The following DLC1 variants were observed in gnomAD, a reference collection of about 807,000 sequenced individuals.
DLC1 encodes rho GTPase-activating protein 7.
DLC1 carries 54 observed loss-of-function variants against 140.3 expected under a neutral mutation model. That is an observed-to-expected ratio of 0.38 (90% confidence interval 0.31 to 0.48). The LOEUF is 0.48. Ranked by LOEUF, DLC1 falls within the 20% of genes least tolerant of loss-of-function variation. The pLI is 0.96. For missense variants in DLC1, 2,536 were observed against 1,907.0 expected (o/e 1.33, Z -6.14); for synonymous variants, 986 against 728.1 (o/e 1.35, Z -5.70).
rs1818523910 is a variant in DLC1 at position 13,096,693 on chromosome 8, G to C, written c.3168-1448C>G. On this transcript the variant is annotated intron_variant, in intron 10 of 17. Coordinates refer to ENST00000276297, the MANE Select transcript of DLC1 (RefSeq NM_182643.3). ...TCACATAATAACAGCCTTTGAACGG[G>C]AGGTGCTTTGATGCTGAAGTTAAAT... Among the ~76,000 whole-genome samples, 2 of 151,760 alleles carry C rather than the reference G, an allele frequency of 1.3e-5. 1 individual carries two copies. The highest frequency in any genetic ancestry group is 4.2e-4 in the South Asian group (2 of 4,794).
chr8:13,468,546 C>G (rs1175541563), intron 2 of DLC1, among the ~76,000 whole-genome samples: 2 of 151,644 alleles, frequency 1.3e-5, no homozygotes, highest in African/African-American at 4.8e-5. Context: ...CCTAATTTAA[C>G]AAATTTTTTG....
At chr8:13,599,664 A>T (rs1344063387) in intron 1 of DLC1, among the ~76,000 whole-genome samples, 1 of 151,996 alleles carries the variant, frequency 6.6e-6, no homozygotes, top group East Asian at 1.9e-4. Flanking sequence ...GTCTAAATAA[A>T]TGGTCACATA....
intron 1 of DLC1, among the ~76,000 whole-genome samples, chr8:13,562,370 A>G (rs1159413232): frequency 6.6e-6 from 1 of 152,142 alleles, no homozygotes; most frequent in East Asian, 1.9e-4. Context: ...TTGAGAATTG[A>G]AAAGAAAAAA....
intron 4 of DLC1, among the ~76,000 whole-genome samples, chr8:13,307,055 T>C (rs1169828404): frequency 9.0e-6 from 1 of 111,596 alleles, no homozygotes; most frequent in African/African-American, 3.6e-5. Flanking sequence ...TTGCACTCCA[T>C]CCAGGGTGAC....
At chr8:13,317,462 C>T (rs1172601443) in intron 4 of DLC1, among the ~76,000 whole-genome samples, 1 of 152,112 alleles carries the variant, frequency 6.6e-6, no homozygotes, top group Non-Finnish European at 1.5e-5. Flanking sequence ...TTTTACAAAA[C>T]ATATCTTCAA....
chr8:13,197,081 T>C (rs998284244), intron 5 of DLC1, among the ~76,000 whole-genome samples: 1 of 152,236 alleles, frequency 6.6e-6, no homozygotes, highest in Non-Finnish European at 1.5e-5. Context: ...TTTTTGTCTA[T>C]TTCATACGTT....
At chr8:13,165,343 T>A (rs954215984) in intron 5 of DLC1, among the ~76,000 whole-genome samples, 1 of 152,124 alleles carries the variant, frequency 6.6e-6, no homozygotes, top group African/African-American at 2.4e-5. Flanking sequence ...AGAAAGGGAA[T>A]AAGTAGGCAA....
At chr8:13,582,190 C>G (rs1871800) in intron 1 of DLC1, among the ~76,000 whole-genome samples, 55,929 of 152,042 alleles carry the variant, frequency 0.37, 11,181 homozygotes, top group South Asian at 0.57. Context: ...ATGCACATCC[C>G]TGCAGAGATT....
chr8:13,133,923 A>G (rs1424643328), intron 5 of DLC1, among the ~76,000 whole-genome samples: 1 of 152,120 alleles, frequency 6.6e-6, no homozygotes, highest in Non-Finnish European at 1.5e-5. Context: ...TACGGAGCCA[A>G]TGTAGGTGAT....
At chr8:13,374,608 C>A (rs1036871709) in intron 4 of DLC1, among the ~76,000 whole-genome samples, 17 of 152,168 alleles carry the variant, frequency 1.1e-4, no homozygotes, top group African/African-American at 4.1e-4. Flanking sequence ...CATGGTGAAA[C>A]CCCATCTCTG....
chr8:13,221,708 GTATA>G (rs1272279041), intron 5 of DLC1, among the ~76,000 whole-genome samples: 83 of 117,354 alleles, frequency 7.1e-4, no homozygotes, highest in Middle Eastern at 4.0e-3. Context: ...ATATGTGTGT[GTATA>G]TGTGTGTGTG....
intron 1 of DLC1, among the ~76,000 whole-genome samples, chr8:13,527,746 A>C (rs1688130979): frequency 6.6e-6 from 1 of 152,176 alleles, no homozygotes; most frequent in African/African-American, 2.4e-5. Flanking sequence ...GGTCCAGAGA[A>C]ATAAAATGTT....
chr8:13,547,259 A>C (rs12548672), intron 1 of DLC1, among the ~76,000 whole-genome samples: 42,708 of 151,800 alleles, frequency 0.28, 6,229 homozygotes, highest in Admixed American at 0.3. Context: ...TTATTACTGA[A>C]AAATTATTAA....
chr8:13,336,970 G>A (rs1833835018), intron 4 of DLC1, among the ~76,000 whole-genome samples: 1 of 142,828 alleles, frequency 7.0e-6, no homozygotes, highest in South Asian at 2.5e-4. Flanking sequence ...TAAAGCAGAT[G>A]AAATGAAAAA....
At chr8:13,101,771 C>G (rs528044246) in intron 8 of DLC1, among the ~76,000 whole-genome samples, 1 of 152,152 alleles carries the variant, frequency 6.6e-6, no homozygotes, top group Non-Finnish European at 1.5e-5. Context: ...CCTGACAGCT[C>G]GCGGCATTCA....
intron 2 of DLC1, among the ~76,000 whole-genome samples, chr8:13,433,728 A>C (rs1838987939): frequency 6.6e-6 from 1 of 152,210 alleles, no homozygotes; most frequent in Admixed American, 6.5e-5. Flanking sequence ...ACTCAATTAT[A>C]TCTCTCTTTT....
chr8:13,329,989 G>A (rs369054626), intron 4 of DLC1, among the ~76,000 whole-genome samples: 101 of 152,218 alleles, frequency 6.6e-4, no homozygotes, highest in African/African-American at 2.2e-3. Flanking sequence ...TTTAGAGACA[G>A]AATTTTGCTC....
At chr8:13,256,422 G>A (rs143275092) in intron 5 of DLC1, among the ~76,000 whole-genome samples, 106 of 152,198 alleles carry the variant, frequency 7.0e-4, no homozygotes, top group African/African-American at 2.2e-3. Flanking sequence ...ACACGCACAC[G>A]TATGTTTATT....
At chr8:13,344,582 T>G (rs1834233978) in intron 4 of DLC1, among the ~76,000 whole-genome samples, 1 of 152,240 alleles carries the variant, frequency 6.6e-6, no homozygotes, top group South Asian at 2.1e-4. Context: ...GACAAGTGGC[T>G]TTTGGTGTTT....
Sources: gnomAD v4.1 joint callset for allele counts (sites outside exome capture counted in the v4.1 genomes callset) on GRCh38, gnomAD v4.1.1 for gene constraint, MANE v1.5 for transcripts, NCBI Gene and HGNC (gene_info 2026-07-23, HGNC 2026-07-21) for gene names.